The following ACTL6B variants were observed in gnomAD, a reference collection of about 807,000 sequenced individuals.
ACTL6B encodes actin-like protein 6B.
Under a neutral mutation model 63.3 loss-of-function variants are expected in ACTL6B, and 48 were observed. That is an observed-to-expected ratio of 0.76 (90% confidence interval 0.60 to 0.96). The LOEUF is 0.96. Among genes scored for constraint, ACTL6B ranks in the 50% least tolerant of loss-of-function variants. The pLI, the probability that ACTL6B is intolerant of heterozygous loss-of-function variation, is 0.00. For missense variants in ACTL6B, 350 were observed against 572.2 expected (o/e 0.61, Z 3.96); for synonymous variants, 230 against 223.8 (o/e 1.03, Z -0.25).
chr7:100,648,916 C>T lies in ACTL6B; in HGVS notation c.468-93G>A, dbSNP rs1441300992. ...TGGTCACTCTCTGCTCTACCGGGGT[C>T]CAGCCCATCCCCAGTCTGCAAATCT... is the stretch of plus-strand genomic sequence containing the variant. On this transcript the variant is annotated intron_variant, in intron 5 of 13. Coordinates refer to ENST00000160382, the MANE Select transcript of ACTL6B (RefSeq NM_016188.5). The surrounding 1 kb of genome is among the most constrained non-coding windows in gnomAD (Gnocchi z 4.4). The T allele has an allele frequency of 4.1e-6, 5 of 1,233,216 alleles. No individual in the cohort carries two copies. Among genetic ancestry groups the T allele is most frequent in the Non-Finnish European group, 5.6e-6 (5 of 899,040 alleles). 76.4% of individuals were successfully genotyped at this position (1,233,216 alleles called of 1,614,324 possible).
Position 100,655,703 on chromosome 7 carries a change from A to G in ACTL6B, c.102+100T>C, listed in dbSNP as rs1804026805. 2 of 1,513,204 alleles carry G rather than the reference A, an allele frequency of 1.3e-6. No individual in the cohort carries two copies. Among genetic ancestry groups the G allele is most frequent in the Non-Finnish European group, 1.8e-6 (2 of 1,125,344 alleles). The allele number at this position is 1,513,204 out of a possible 1,614,324, so 93.7% of individuals were successfully genotyped here. On this transcript the variant is annotated intron_variant, in intron 2 of 13. Transcript: ENST00000160382. The surrounding 1 kb of genome is among the most constrained non-coding windows in gnomAD (Gnocchi z 4.4). ...TGGGTTTATTCCCATATTCCCGCTC[A>G]GCAGAGCTTCTGGGCGATCTGGGAG...
chr7:100,649,634 T>G (rs541282612), intron 5 of ACTL6B, among the ~76,000 whole-genome samples: 2 of 152,216 alleles, frequency 1.3e-5, no homozygotes, highest in African/African-American at 2.4e-5. Context: ...ACAGATTCCC[T>G]GAAATTAGGG....
chr7:100,651,872 A>G (rs963103010), intron 4 of ACTL6B, among the ~76,000 whole-genome samples: 1 of 152,052 alleles, frequency 6.6e-6, no homozygotes, highest in African/African-American at 2.4e-5. Context: ...CTGGCCTCTC[A>G]TGACCTTTCT....
intron 4 of ACTL6B, among the ~76,000 whole-genome samples, chr7:100,652,421 CAAA>C (rs35689439): frequency 3.2e-5 from 3 of 94,932 alleles, no homozygotes; most frequent in South Asian, 3.5e-4. Context: ...GACTCCATCT[CAAA>C]AAAAAAAAAA....
chr7:100,649,811 C>T (rs1803899502), intron 5 of ACTL6B: 1 of 497,322 alleles, frequency 2.0e-6, no homozygotes, highest in Non-Finnish European at 3.7e-6. Flanking sequence ...ACTGTCTGCT[C>T]AGCCTGATCC....
At chr7:100,654,943 G>A (rs1804009827) in intron 4 of ACTL6B, 76 bp downstream of exon 4, 3 of 1,248,048 alleles carry the variant, frequency 2.4e-6, no homozygotes, top group Admixed American at 1.9e-5. Flanking sequence ...CTTGAGGGGA[G>A]AGGAGGAGAG....
chr7:100,647,371 T>G lies in ACTL6B; in HGVS notation c.759+73A>C. The G allele has an allele frequency of 6.3e-7, 1 of 1,597,146 alleles. No individual in the cohort carries two copies. The highest frequency in any genetic ancestry group is 8.6e-7 in the Non-Finnish European group (1 of 1,166,026). ...CTCCCCCTCCCTGCTCCCCCTCCCATGCGGGGCCTCTGTCCCGCCCCCGAT... is the reference window on the plus strand; with the variant it reads ...CTCCCCCTCCCTGCTCCCCCTCCCAGGCGGGGCCTCTGTCCCGCCCCCGAT... On this transcript the variant is annotated intron_variant, in intron 8 of 13. Coordinates refer to ENST00000160382, the MANE Select transcript of ACTL6B (RefSeq NM_016188.5). The surrounding 1 kb of genome is among the most constrained non-coding windows in gnomAD (Gnocchi z 4.4).
In ACTL6B at chr7:100,655,937, GC is replaced by G; in HGVS notation, c.26-59del. On this transcript the variant is annotated intron_variant, in intron 1 of 13. Coordinates refer to ENST00000160382, the MANE Select transcript of ACTL6B (RefSeq NM_016188.5). The surrounding 1 kb of genome is among the most constrained non-coding windows in gnomAD (Gnocchi z 4.4). ...CCCCCGAACTCTCTCCCGCTAGGTA[GC>G]TCCGAGAGAAAGTCAGGGCAGAGCC... The G allele has an allele frequency of 6.6e-7, 1 of 1,506,974 alleles. No homozygotes were observed. Among genetic ancestry groups the G allele is most frequent in the African/African-American group, 1.4e-5 (1 of 71,930 alleles). 93.4% of individuals were successfully genotyped at this position (1,506,974 alleles called of 1,614,324 possible).
chr7:100,651,942 C>T (rs1270810133), intron 4 of ACTL6B, among the ~76,000 whole-genome samples: 1 of 152,066 alleles, frequency 6.6e-6, no homozygotes, highest in East Asian at 1.9e-4. Flanking sequence ...GAAAAGGAGT[C>T]AAGTACAGGA....
chr7:100,652,421 C>CAAAAAAAAAAAAAA (rs35689439), intron 4 of ACTL6B, among the ~76,000 whole-genome samples: 1 of 94,950 alleles, frequency 1.1e-5, no homozygotes, highest in African/African-American at 4.2e-5. Flanking sequence ...GACTCCATCT[C>CAAAAAAAAAAAAAA]AAAAAAAAAA....
chr7:100,645,069 CA>C (rs1562847460), intron 13 of ACTL6B, among the ~76,000 whole-genome samples: 1 of 151,738 alleles, frequency 6.6e-6, no homozygotes, highest in Admixed American at 6.6e-5. Context: ...AAAACAAAAA[CA>C]AAAAAAGGAA....
intron 4 of ACTL6B, among the ~76,000 whole-genome samples, chr7:100,654,600 G>C (rs1376544085): frequency 2.6e-5 from 4 of 151,618 alleles, no homozygotes; most frequent in African/African-American, 9.7e-5. Flanking sequence ...GGCCAACAAG[G>C]CGAAACCCCC....
rs1803817208 is a variant in ACTL6B, at chr7:100,646,141, T to C, written c.1200+108A>G. 1.0e-6 allele frequency: 1 copy of C among 995,846 alleles called. No individual in the cohort carries two copies. The highest frequency in any genetic ancestry group is 2.6e-5 in the East Asian group (1 of 38,374). 61.7% of individuals were successfully genotyped at this position (995,846 alleles called of 1,614,324 possible). ...TTGACTGACATTTCTCAAAACTAAA[T>C]GTTTGTTGAATGAATGAATGAACGA... On this transcript the variant is annotated intron_variant, in intron 13 of 13. Coordinates refer to ENST00000160382, the MANE Select transcript of ACTL6B (RefSeq NM_016188.5). The surrounding 1 kb of genome is among the most constrained non-coding windows in gnomAD (Gnocchi z 6.1).
At position 100,655,369 on chromosome 7, in the gene ACTL6B, G is replaced by A. The variant is rs982359113; in HGVS notation, c.268+52C>T. On this transcript the variant is annotated intron_variant, in intron 3 of 13. Transcript: ENST00000160382. The surrounding 1 kb of genome is among the most constrained non-coding windows in gnomAD (Gnocchi z 4.4). ...AGTGGGGGCTGCTATGACCCAGATT[G>A]TGGGGAGCGGGCTCCTTTTCTGTCA... 1.3e-6 allele frequency: 2 copies of A among 1,580,524 alleles called. No individual in the cohort carries two copies. The highest frequency in any genetic ancestry group is 4.5e-5 in the East Asian group (2 of 44,626).
At chr7:100,650,642 G>C (rs1357240321) in intron 4 of ACTL6B, among the ~76,000 whole-genome samples, 2 of 152,022 alleles carry the variant, frequency 1.3e-5, no homozygotes, top group Non-Finnish European at 1.5e-5. Context: ...TTCGAAACTA[G>C]CCTGGACAAC....
chr7:100,656,382 T>G lies in ACTL6B; in HGVS notation c.-28A>C, dbSNP rs765420725. 7.6e-7 allele frequency: 1 copy of G among 1,318,964 alleles called. No individual in the cohort carries two copies. The highest frequency in any genetic ancestry group is 9.7e-7 in the Non-Finnish European group (1 of 1,030,096). The allele number at this position is 1,318,964 out of a possible 1,614,324, so 81.7% of individuals were successfully genotyped here. On this transcript the variant is annotated 5_prime_UTR_variant, in exon 1 of 14. Transcript: ENST00000160382. Reference sequence around the variant, plus strand: ...TGCCCGCTGCGCTGCTAGCGGCCCGTGGGCGGTGGCGGGATCAGCACCGAG... The same window carrying G: ...TGCCCGCTGCGCTGCTAGCGGCCCGGGGGCGGTGGCGGGATCAGCACCGAG...
At chr7:100,656,258 C>T in intron 1 of ACTL6B, 72 bp downstream of exon 1, 3 of 1,364,110 alleles carry the variant, frequency 2.2e-6, no homozygotes, top group Admixed American at 3.4e-5. Flanking sequence ...CCCCGGGGTG[C>T]CCAGAGCTCG....
chr7:100,648,997 CT>C lies in ACTL6B; in HGVS notation c.468-175del, dbSNP rs749138723. ...AAAGGCTCTGAGACCCCAGTTACTT[CT>C]TTTTTTTTTTTTTTGAGATGGAGTC... On this transcript the variant is annotated intron_variant, in intron 5 of 13. Transcript: ENST00000160382. The surrounding 1 kb of genome is among the most constrained non-coding windows in gnomAD (Gnocchi z 4.4). Among the ~76,000 whole-genome samples the C allele has an allele frequency of 9.4e-3, 1,332 of 142,406 alleles. 10 individuals carry two copies. The highest frequency in any genetic ancestry group is 0.027 in the African/African-American group (1,041 of 39,060). 93.4% of individuals were successfully genotyped at this position (142,406 alleles called of 152,430 possible). A position where few individuals can be genotyped will look rare whatever the true frequency, so the allele number is the denominator to read the frequency against.
intron 4 of ACTL6B, among the ~76,000 whole-genome samples, chr7:100,651,439 T>C (rs1263939525): frequency 6.6e-6 from 1 of 151,484 alleles, no homozygotes; most frequent in African/African-American, 2.4e-5. Context: ...TAATCCCAGC[T>C]ACTTGGGATG....
Sources: allele counts gnomAD v4.1 joint callset (sites outside exome capture counted in the v4.1 genomes callset), GRCh38; gene constraint gnomAD v4.1.1; non-coding constraint Gnocchi (gnomAD v3.1); transcripts MANE v1.5; gene names NCBI Gene and HGNC (gene_info 2026-07-23, HGNC 2026-07-21).